The following PDE1A variants were observed in gnomAD, a reference collection of about 807,000 sequenced individuals.
PDE1A encodes dual specificity calcium/calmodulin-dependent 3',5'-cyclic nucleotide phosphodiesterase 1A.
Under a neutral mutation model 61.7 loss-of-function variants are expected in PDE1A, and 35 were observed. The observed-to-expected ratio is 0.57, with a 90% CI of 0.43 to 0.75. The LOEUF (loss-of-function observed/expected upper bound fraction) is 0.75. Among genes scored for constraint, PDE1A ranks in the 30% least tolerant of loss-of-function variants. PDE1A has a pLI of 0.00. For synonymous variants in PDE1A, 232 were observed against 213.2 expected, an observed-to-expected ratio of 1.09 and a Z score of -0.77; for missense variants, 597 against 630.6, an observed-to-expected ratio of 0.95 and a Z score of 0.57.
At chr2:182,533,226 AC>A in the PDE1A span, among the ~76,000 whole-genome samples, 1 of 151,350 alleles carries the variant, frequency 6.6e-6, no homozygotes, top group Admixed American at 6.6e-5. Context: ...TGGGAGGATC[AC>A]CTGAACCCGT....
At chr2:182,395,143 C>T (rs188525447) in intron 1 of PDE1A, among the ~76,000 whole-genome samples, 3 of 152,210 alleles carry the variant, frequency 2.0e-5, no homozygotes, top group Admixed American at 6.5e-5. Context: ...ATTGATCTGG[C>T]AAATGCCTTT....
At chr2:182,300,398 G>C (rs569637785) in intron 1 of PDE1A, among the ~76,000 whole-genome samples, 8 of 152,242 alleles carry the variant, frequency 5.3e-5, no homozygotes, top group Admixed American at 3.9e-4. Flanking sequence ...AGGCCATTGC[G>C]ATCAATTGTT....
At chr2:182,665,871 G>A in the PDE1A span, among the ~76,000 whole-genome samples, 1 of 152,120 alleles carries the variant, frequency 6.6e-6, no homozygotes, top group Non-Finnish European at 1.5e-5. Context: ...ATACACCATA[G>A]AATACTATGC....
At chr2:182,636,637 A>C in the PDE1A span, among the ~76,000 whole-genome samples, 6 of 152,208 alleles carry the variant, frequency 3.9e-5, no homozygotes, top group African/African-American at 1.4e-4. Context: ...ACTTTCTCCC[A>C]TGTATTATAA....
the PDE1A span, among the ~76,000 whole-genome samples, chr2:182,674,829 G>A: frequency 6.6e-6 from 1 of 151,926 alleles, no homozygotes; most frequent in African/African-American, 2.4e-5. Context: ...TTTTATTAAT[G>A]TGCATAATAA....
the PDE1A span, among the ~76,000 whole-genome samples, chr2:182,640,355 A>G: frequency 6.6e-6 from 1 of 152,254 alleles, no homozygotes; most frequent in African/African-American, 2.4e-5. Flanking sequence ...GTGAACAATC[A>G]GAATGTAAAT....
At chr2:182,186,235 C>T (rs1163150123) in intron 12 of PDE1A, among the ~76,000 whole-genome samples, 156 bp from the exon 13 acceptor site, 1 of 152,098 alleles carries the variant, frequency 6.6e-6, no homozygotes, top group African/African-American at 2.4e-5. Flanking sequence ...CCTTTCTCTC[C>T]CTCCCCACAC....
intron 1 of PDE1A, among the ~76,000 whole-genome samples, chr2:182,349,186 A>T (rs949817164): frequency 6.6e-6 from 1 of 152,190 alleles, no homozygotes; most frequent in Non-Finnish European, 1.5e-5. Flanking sequence ...TATACTGAAG[A>T]TTACAAAATG....
At chr2:182,301,292 G>T (rs535795475) in intron 1 of PDE1A, among the ~76,000 whole-genome samples, 1 of 152,146 alleles carries the variant, frequency 6.6e-6, no homozygotes, top group African/African-American at 2.4e-5. Flanking sequence ...GTCTGTGGAT[G>T]GCACTGTTAC....
chr2:182,302,955 A>G (rs561172576), intron 1 of PDE1A, among the ~76,000 whole-genome samples: 21 of 152,346 alleles, frequency 1.4e-4, no homozygotes, highest in African/African-American at 4.3e-4. Context: ...AAGTTTTAAC[A>G]TGAGATTGCA....
intron 1 of PDE1A, among the ~76,000 whole-genome samples, chr2:182,283,597 G>GA (rs1238633682): frequency 6.6e-6 from 1 of 151,720 alleles, no homozygotes; most frequent in African/African-American, 2.4e-5. Context: ...TTTTAGCTCA[G>GA]AAAAAAATGA....
chr2:182,560,078 T>TA, the PDE1A span, among the ~76,000 whole-genome samples: 1 of 150,970 alleles, frequency 6.6e-6, no homozygotes. Context: ...TTTTTTTTTT[T>TA]ATACTTTAAG....
chr2:182,255,102 A>G (rs1691680388), intron 2 of PDE1A, among the ~76,000 whole-genome samples: 2 of 152,138 alleles, frequency 1.3e-5, no homozygotes, highest in Admixed American at 6.5e-5. Flanking sequence ...CCATCTTGCT[A>G]CCAGATAAAA....
chr2:182,176,990 A>G (rs113150750), intron 13 of PDE1A, among the ~76,000 whole-genome samples: 41,737 of 147,790 alleles, frequency 0.28, 6,306 homozygotes, highest in Non-Finnish European at 0.34. Flanking sequence ...GATTACATTT[A>G]TTGATTTGCG....
At chr2:182,380,402 G>A (rs190436350) in intron 1 of PDE1A, among the ~76,000 whole-genome samples, 3 of 151,388 alleles carry the variant, frequency 2.0e-5, no homozygotes, top group East Asian at 3.9e-4. Context: ...GTGAGCCACC[G>A]CACCCAGCCC....
chr2:182,324,080 T>C (rs1696890274), intron 1 of PDE1A, among the ~76,000 whole-genome samples: 3 of 152,290 alleles, frequency 2.0e-5, no homozygotes, highest in African/African-American at 7.2e-5. Flanking sequence ...ATTTTTACTG[T>C]TTATTTCCTA....
At chr2:182,392,884 G>A (rs956854508) in intron 1 of PDE1A, among the ~76,000 whole-genome samples, 1 of 152,262 alleles carries the variant, frequency 6.6e-6, no homozygotes, top group African/African-American at 2.4e-5. Flanking sequence ...CTGCCCCTGT[G>A]GCTTTGCAGG....
At chr2:182,689,412 C>G in the PDE1A span, among the ~76,000 whole-genome samples, 1 of 152,160 alleles carries the variant, frequency 6.6e-6, no homozygotes, top group Non-Finnish European at 1.5e-5. Context: ...ACTGAACACC[C>G]TGTTCCTGAA....
At chr2:182,627,227 ATTATTT>A in the PDE1A span, among the ~76,000 whole-genome samples, 5 of 65,136 alleles carry the variant, frequency 7.7e-5, no homozygotes, top group African/African-American at 3.2e-4. Flanking sequence ...TAAATAATAT[ATTATTT>A]ATATATAAAA....
Sources: gnomAD v4.1 joint callset for allele counts (sites outside exome capture counted in the v4.1 genomes callset) on GRCh38, gnomAD v4.1.1 for gene constraint, MANE v1.5 for transcripts, NCBI Gene and HGNC (gene_info 2026-07-23, HGNC 2026-07-21) for gene names.